The following ITPR2 variants were observed in gnomAD, a reference collection of about 807,000 sequenced individuals.
ITPR2 encodes inositol 1,4,5-trisphosphate receptor type 2.
A neutral mutation model predicts 317.1 loss-of-function variants in ITPR2; 207 were observed. The observed-to-expected ratio is 0.65, with a 90% CI of 0.58 to 0.73. The LOEUF is 0.73. Ranked by LOEUF, ITPR2 falls within the 30% of genes least tolerant of loss-of-function variation. ITPR2 has a pLI of 0.00. For synonymous variants in ITPR2, 1,156 were observed against 1,149.1 expected, an observed-to-expected ratio of 1.01 and a Z score of -0.12; for missense variants, 2,613 against 3,284.0, an observed-to-expected ratio of 0.80 and a Z score of 4.99.
At chr12:26,499,118 G>A (rs911023079) in intron 37 of ITPR2, among the ~76,000 whole-genome samples, 4 of 152,078 alleles carry the variant, frequency 2.6e-5, no homozygotes, top group Admixed American at 6.5e-5. Context: ...TTAAAATGCC[G>A]TTTATACTGC....
At chr12:26,538,603 A>T (rs1225279940) in intron 37 of ITPR2, among the ~76,000 whole-genome samples, 1 of 151,468 alleles carries the variant, frequency 6.6e-6, no homozygotes, top group Non-Finnish European at 1.5e-5. Flanking sequence ...TTGAGACAGA[A>T]TCTCACTCTG....
intron 55 of ITPR2, among the ~76,000 whole-genome samples, chr12:26,385,222 C>T (rs1021589041): frequency 5.9e-5 from 9 of 152,136 alleles, no homozygotes; most frequent in African/African-American, 2.2e-4. Context: ...AAGCTGTTGC[C>T]CCAACACTGC....
intron 13 of ITPR2, among the ~76,000 whole-genome samples, chr12:26,676,598 G>A (rs913981971): frequency 5.9e-5 from 9 of 151,750 alleles, no homozygotes; most frequent in African/African-American, 2.2e-4. Flanking sequence ...TCAGCAAGAT[G>A]AAAAGAGAAA....
At chr12:26,687,530 C>A (rs189242200) in intron 10 of ITPR2, among the ~76,000 whole-genome samples, 1 of 152,278 alleles carries the variant, frequency 6.6e-6, no homozygotes, top group African/African-American at 2.4e-5. Flanking sequence ...CAGCCTATAT[C>A]CATGGACAAG....
At chr12:26,721,198 A>C (rs530526246) in intron 5 of ITPR2, 67 of 420,076 alleles carry the variant, frequency 1.6e-4, no homozygotes, top group African/African-American at 1.6e-3. Flanking sequence ...AAAGAAAAAA[A>C]AGTAGGGTTT....
rs1295903658 is a variant in ITPR2 at position 26,487,225 on chromosome 12, T to C, written c.5397A>G (p.Glu1799=). Residue 1799 remains glutamate (E), a synonymous_variant, in exon 40 of 57, where the codon GAA becomes GAG. Coordinates refer to ENST00000381340, the MANE Select transcript of ITPR2 (RefSeq NM_002223.4). ...TAAAGAATTTTTCTGACTTTTTTTGTTCATGCAACTGCTGGTAGAAAGAAT... is the reference window on the plus strand; with the variant it reads ...TAAAGAATTTTTCTGACTTTTTTTGCTCATGCAACTGCTGGTAGAAAGAAT... The part of the protein sequence containing the change: ...TQYSFYQQLH[E]QKKSEKFFKV... 5.0e-6 allele frequency: 8 copies of C among 1,603,278 alleles called. No individual in the cohort carries two copies. In the African/African-American group the frequency reaches 6.8e-5, roughly 14 times the overall value.
At chr12:26,723,908 T>C (rs1592071705) in intron 4 of ITPR2, among the ~76,000 whole-genome samples, 1 of 152,264 alleles carries the variant, frequency 6.6e-6, no homozygotes, top group East Asian at 1.9e-4. Flanking sequence ...TAGCCAACGA[T>C]GTAACAGACT....
At chr12:26,706,782 T>C (rs144140303) in intron 9 of ITPR2, among the ~76,000 whole-genome samples, 22 of 152,290 alleles carry the variant, frequency 1.4e-4, no homozygotes, top group African/African-American at 5.1e-4. Context: ...TCATTCCTAT[T>C]ACAAACTGGA....
At chr12:26,708,756 G>A (rs1213508233) in intron 9 of ITPR2, among the ~76,000 whole-genome samples, 2 of 152,114 alleles carry the variant, frequency 1.3e-5, no homozygotes, top group Non-Finnish European at 2.9e-5. Flanking sequence ...TAAAAGAGTA[G>A]AATTGGAATG....
intron 37 of ITPR2, among the ~76,000 whole-genome samples, chr12:26,539,170 T>A (rs1453858447): frequency 1.3e-5 from 2 of 152,222 alleles, no homozygotes; most frequent in Non-Finnish European, 2.9e-5. Flanking sequence ...GTGAAATGTA[T>A]CAGGCCCAGT....
At chr12:26,526,747 G>A (rs916683222) in intron 37 of ITPR2, among the ~76,000 whole-genome samples, 1 of 152,200 alleles carries the variant, frequency 6.6e-6, no homozygotes, top group South Asian at 2.1e-4. Flanking sequence ...TTTAGACAAG[G>A]GGGTGGCAGG....
intron 1 of ITPR2, among the ~76,000 whole-genome samples, chr12:26,805,956 A>G (rs1353305523): frequency 1.3e-5 from 2 of 152,108 alleles, no homozygotes; most frequent in Non-Finnish European, 2.9e-5. Flanking sequence ...GTTTATTTCT[A>G]AAAAGATCCC....
intron 43 of ITPR2, among the ~76,000 whole-genome samples, chr12:26,480,488 G>A (rs1282451008): frequency 6.6e-6 from 1 of 152,130 alleles, no homozygotes; most frequent in Non-Finnish European, 1.5e-5. Flanking sequence ...GAATTCTGTA[G>A]TCAATGTGTT....
intron 9 of ITPR2, among the ~76,000 whole-genome samples, chr12:26,704,824 T>C (rs1250573959): frequency 1.3e-5 from 2 of 152,166 alleles, no homozygotes; most frequent in East Asian, 1.9e-4. Flanking sequence ...GTCAGACAGA[T>C]TGTAAACAGT....
chr12:26,387,691 A>G lies in ITPR2; in HGVS notation c.7697-97T>C. On this transcript the variant is annotated intron_variant, in intron 54 of 56. Transcript: ENST00000381340. ...AAACACAATAATTATTGTGAAAAAA[A>G]TGCTTTCAGTAAGAGTGTGCCAATT... is the stretch of plus-strand genomic sequence containing the variant. The G allele has an allele frequency of 2.5e-6, 3 of 1,199,056 alleles. No homozygotes were observed. In the East Asian group the frequency reaches 7.5e-5, roughly 30 times the overall value. 74.3% of individuals were successfully genotyped at this position (1,199,056 alleles called of 1,614,324 possible). A position where few individuals can be genotyped will look rare whatever the true frequency, so the allele number is the denominator to read the frequency against.
At chr12:26,738,017 A>G (rs1949159928) in intron 2 of ITPR2, among the ~76,000 whole-genome samples, 2 of 152,176 alleles carry the variant, frequency 1.3e-5, no homozygotes, top group South Asian at 4.1e-4. Context: ...ACACACACAC[A>G]CGCACACACA....
At chr12:26,669,680 G>T (rs1374344159) in intron 13 of ITPR2, among the ~76,000 whole-genome samples, 1 of 152,262 alleles carries the variant, frequency 6.6e-6, no homozygotes, top group African/African-American at 2.4e-5. Context: ...TCACTAGGGA[G>T]TGCCAGACAG....
intron 38 of ITPR2, 105 bp downstream of exon 38, chr12:26,495,047 A>G: frequency 1.4e-6 from 1 of 704,530 alleles, no homozygotes; most frequent in Non-Finnish European, 2.5e-6. Flanking sequence ...TGATTTTTAA[A>G]TGACTCTTTT....
chr12:26,722,783 G>GGA (rs1280330103), intron 4 of ITPR2, among the ~76,000 whole-genome samples: 1 of 151,104 alleles, frequency 6.6e-6, no homozygotes, highest in Non-Finnish European at 1.5e-5. Context: ...GGCATAATAG[G>GGA]GAAAAAAAAA....
Sources: allele counts gnomAD v4.1 joint callset (sites outside exome capture counted in the v4.1 genomes callset), GRCh38; gene constraint gnomAD v4.1.1; transcripts MANE v1.5; gene names NCBI Gene and HGNC (gene_info 2026-07-23, HGNC 2026-07-21).